Variants in CACNB2 observed in about 807,000 individuals in gnomAD.
CACNB2 encodes calcium voltage-gated channel auxiliary subunit beta 2.
CACNB2 carries 42 observed loss-of-function variants against 73.3 expected under a neutral mutation model. That is an observed-to-expected ratio of 0.57 (90% confidence interval 0.45 to 0.74). The LOEUF (loss-of-function observed/expected upper bound fraction) is 0.74. Among genes scored for constraint, CACNB2 ranks in the 30% least tolerant of loss-of-function variants. The probability of loss-of-function intolerance (pLI) is 0.00; values close to 1 mark genes in which losing one functional copy is unlikely to be tolerated. For synonymous variants in CACNB2, 348 were observed against 310.3 expected (o/e 1.12, Z -1.28); for missense variants, 940 against 853.0 (o/e 1.10, Z -1.27).
chr10:18,407,724 G>T (rs145865262), intron 3 of CACNB2, among the ~76,000 whole-genome samples: 145 of 151,960 alleles, frequency 9.5e-4, no homozygotes, highest in African/African-American at 3.4e-3. Flanking sequence ...CCATCTTTTT[G>T]TTGTACCTGA....
At chr10:18,145,933 A>G (rs2030921970) in intron 1 of CACNB2, among the ~76,000 whole-genome samples, 1 of 152,054 alleles carries the variant, frequency 6.6e-6, no homozygotes. Context: ...TACTGGGCAG[A>G]TAGATCTCTG....
At chr10:18,324,135 A>C (rs2040493229) in intron 2 of CACNB2, among the ~76,000 whole-genome samples, 1 of 152,228 alleles carries the variant, frequency 6.6e-6, no homozygotes, top group South Asian at 2.1e-4. Context: ...CTCATCTGTC[A>C]ACTATTAATT....
chr10:18,141,360 GCCCTGCC>G, intron 1 of CACNB2: 1 of 774,824 alleles, frequency 1.3e-6, no homozygotes, highest in Non-Finnish European at 2.2e-6. Flanking sequence ...ATATGGGGGT[GCCCTGCC>G]GGATCCCCCC....
chr10:18,275,823 T>A (rs2038261519), intron 2 of CACNB2, among the ~76,000 whole-genome samples: 1 of 152,198 alleles, frequency 6.6e-6, no homozygotes, highest in Non-Finnish European at 1.5e-5. Flanking sequence ...TAATAGTTTC[T>A]AAATTACCAT....
intron 2 of CACNB2, among the ~76,000 whole-genome samples, chr10:18,213,231 T>A (rs78953094): frequency 0.063 from 9,567 of 152,276 alleles, 336 homozygotes; most frequent in East Asian, 0.16. Context: ...AATTTAGATT[T>A]GGAGTTGCAG....
At chr10:18,421,693 C>CA (rs2045333071) in intron 3 of CACNB2, among the ~76,000 whole-genome samples, 2 of 152,160 alleles carry the variant, frequency 1.3e-5, no homozygotes, top group East Asian at 1.9e-4. Context: ...GAGCCTTCTC[C>CA]AAAAAATAGC....
At chr10:18,233,721 C>T (rs2036314323) in intron 2 of CACNB2, among the ~76,000 whole-genome samples, 1 of 152,112 alleles carries the variant, frequency 6.6e-6, no homozygotes, top group African/African-American at 2.4e-5. Context: ...CTTTTATCAG[C>T]AGGCATCTTT....
chr10:18,438,183 A>AT (rs372226267), intron 3 of CACNB2, among the ~76,000 whole-genome samples: 14,563 of 93,900 alleles, frequency 0.16, 1,887 homozygotes, highest in East Asian at 0.43. Flanking sequence ...ACACCTGGCG[A>AT]TTTTTTTTTT....
chr10:18,539,288 C>G lies in CACNB2; in HGVS notation c.1547C>G (p.Ala516Gly). Residue 516 changes from alanine to glycine, a missense_variant, in exon 14 of 14, where the codon GCT becomes GGT. Ala to Gly is a moderately conservative substitution (Grantham distance 60). Transcript: ENST00000324631. Reference protein sequence around the residue: ...RSAPIRSASQAEEEPSVEPVK... With the variant: ...RSAPIRSASQGEEEPSVEPVK... Reference sequence around the variant, plus strand: ...GCTCCTATCCGTTCTGCTTCCCAAGCTGAAGAAGAACCTAGTGTGGAACCA... The same window carrying G: ...GCTCCTATCCGTTCTGCTTCCCAAGGTGAAGAAGAACCTAGTGTGGAACCA... 6.2e-7 allele frequency: 1 copy of G among 1,613,978 alleles called. No individual in the cohort carries two copies. Among genetic ancestry groups the G allele is most frequent in the Non-Finnish European group, 8.5e-7 (1 of 1,179,978 alleles).
intron 2 of CACNB2, among the ~76,000 whole-genome samples, chr10:18,254,570 C>T (rs546849205): frequency 5.3e-5 from 8 of 152,134 alleles, no homozygotes; most frequent in South Asian, 2.1e-4. Flanking sequence ...AAAAAAATCC[C>T]GTACATCAAA....
chr10:18,195,943 T>C (rs1244443708), intron 2 of CACNB2, among the ~76,000 whole-genome samples: 1 of 152,202 alleles, frequency 6.6e-6, no homozygotes, highest in African/African-American at 2.4e-5. Flanking sequence ...TTTATCTGGA[T>C]CTCTGTGATT....
At chr10:18,449,122 C>T (rs1454442387) in intron 3 of CACNB2, among the ~76,000 whole-genome samples, 4 of 152,182 alleles carry the variant, frequency 2.6e-5, no homozygotes, top group Non-Finnish European at 4.4e-5. Flanking sequence ...CGGTGGCTCA[C>T]GCCTGTAATC....
intron 2 of CACNB2, among the ~76,000 whole-genome samples, chr10:18,382,912 G>A (rs1367094519): frequency 6.6e-6 from 1 of 152,112 alleles, no homozygotes; most frequent in Admixed American, 6.5e-5. Flanking sequence ...CCCAGTAATG[G>A]GATTGCTGGG....
At chr10:18,221,831 A>G (rs1588743658) in intron 2 of CACNB2, among the ~76,000 whole-genome samples, 2 of 152,206 alleles carry the variant, frequency 1.3e-5, no homozygotes, top group East Asian at 1.9e-4. Context: ...ATGGAAACCA[A>G]TCCAGAATTT....
At chr10:18,273,294 C>T (rs1049201306) in intron 2 of CACNB2, among the ~76,000 whole-genome samples, 4 of 152,044 alleles carry the variant, frequency 2.6e-5, no homozygotes, top group African/African-American at 4.8e-5. Flanking sequence ...GATCGGCTCT[C>T]TCACCATGCT....
chr10:18,450,655 C>A (rs1410701718), intron 3 of CACNB2, among the ~76,000 whole-genome samples: 4 of 136,034 alleles, frequency 2.9e-5, no homozygotes, highest in Admixed American at 7.9e-5. Context: ...AGGAGTCTAA[C>A]TCTGTCACTC....
chr10:18,467,196 G>A (rs2047940092), intron 3 of CACNB2, among the ~76,000 whole-genome samples: 1 of 152,126 alleles, frequency 6.6e-6, no homozygotes, highest in Non-Finnish European at 1.5e-5. Context: ...GAAAAACATT[G>A]TCATTTTTTG....
rs111469276 is a variant in CACNB2 at position 18,366,791 on chromosome 10, C to CAA, written c.214-35123_214-35122dup. 9.7e-3 allele frequency among the ~76,000 whole-genome samples: 1,423 copies of CAA among 146,678 alleles called. 33 individuals are homozygous for CAA. Among genetic ancestry groups the CAA allele is most frequent in the African/African-American group, 0.029 (1,179 of 40,060 alleles). On this transcript the variant is annotated intron_variant, in intron 2 of 13. Coordinates refer to ENST00000324631, the MANE Select transcript of CACNB2 (RefSeq NM_201596.3). ...TGGGCAACAAAGCGAGACTCCGTCT[C>CAA]AAAAAAAAAAAGCTGATTTTGGCTG...
chr10:18,479,210 A>T (rs548783809), intron 3 of CACNB2, among the ~76,000 whole-genome samples: 260 of 152,280 alleles, frequency 1.7e-3, no homozygotes, highest in Non-Finnish European at 2.9e-3. Flanking sequence ...GTATTATATA[A>T]CATATATAAT....
Sources: gnomAD v4.1 joint callset for allele counts (sites outside exome capture counted in the v4.1 genomes callset) on GRCh38, gnomAD v4.1.1 for gene constraint, MANE v1.5 for transcripts, NCBI Gene and HGNC (gene_info 2026-07-23, HGNC 2026-07-21) for gene names.